ZBTB38: variants seen among roughly 807,000 people sequenced by gnomAD.
ZBTB38 encodes zinc finger and BTB domain-containing protein 38.
In ZBTB38, 20 loss-of-function variants were observed where a neutral mutation model predicts 76.8. The observed-to-expected ratio is 0.26, with a 90% CI of 0.18 to 0.38. ZBTB38 has a LOEUF of 0.38. ZBTB38 is among the 10% of genes least tolerant of loss of function. The pLI is 1.00. For synonymous variants in ZBTB38, 504 were observed against 544.2 expected, an observed-to-expected ratio of 0.93 and a Z score of 1.03; for missense variants, 1,082 against 1,482.3, an observed-to-expected ratio of 0.73 and a Z score of 4.43.
rs745595072 is a variant in ZBTB38 at position 141,443,665 on chromosome 3, A to G, written c.1277A>G (p.Glu426Gly). The G allele has an allele frequency of 1.2e-6, 2 of 1,614,084 alleles. No individual in the cohort carries two copies. The highest frequency in any genetic ancestry group is 2.7e-5 in the African/African-American group (2 of 74,916). The change falls in exon 6 of 6, where the codon GAA becomes GGA. Residue 426 changes from glutamate (E) to glycine (G), a missense_variant. Transcript: ENST00000321464. This position sits in a 1 kb window ranked among gnomAD's most constrained non-coding sequence, Gnocchi z 5.6. The stretch of plus-strand genomic sequence containing the variant: ...AATGGAGGTTCATTCACAGGTCCAG[A>G]ACCTTTATTATCTGAAAATAGGATT... Reference protein sequence around the residue: ...GQNGGSFTGPEPLLSENRIGE... With the variant: ...GQNGGSFTGPGPLLSENRIGE...
At chr3:141,333,128 T>A (rs1364286994) in intron 1 of ZBTB38, among the ~76,000 whole-genome samples, 3 of 152,220 alleles carry the variant, frequency 2.0e-5, no homozygotes, top group Non-Finnish European at 4.4e-5. Context: ...GTAAAATCCT[T>A]AGCAGGCCTT....
At chr3:141,399,127 CTT>C (rs34466132) in intron 4 of ZBTB38, among the ~76,000 whole-genome samples, 1 of 145,174 alleles carries the variant, frequency 6.9e-6, no homozygotes, top group Admixed American at 6.8e-5. Flanking sequence ...ATTTATATTC[CTT>C]TTTTTTTTTT....
intron 1 of ZBTB38, among the ~76,000 whole-genome samples, chr3:141,328,387 C>T (rs1942741026): frequency 2.0e-5 from 3 of 152,198 alleles, no homozygotes; most frequent in Non-Finnish European, 2.9e-5. Flanking sequence ...AGCACCTCCT[C>T]AAAACTTGTT....
Position 141,446,078 on chromosome 3 carries a change from G to T in ZBTB38, c.*102G>T. On this transcript the variant is annotated 3_prime_UTR_variant, in exon 6 of 6. Transcript: ENST00000321464. ...GTCCATGTGACAGTCATGAAGGAGTGAAATTAAAAAAAAAAAAAACTCATT... is the reference window on the plus strand; with the variant it reads ...GTCCATGTGACAGTCATGAAGGAGTTAAATTAAAAAAAAAAAAAACTCATT... The T allele has an allele frequency of 1.3e-5, 11 of 859,318 alleles. No homozygotes were observed. The highest frequency in any genetic ancestry group is 1.4e-5 in the Non-Finnish European group (9 of 635,100). 53.2% of individuals were successfully genotyped at this position (859,318 alleles called of 1,614,324 possible).
intron 1 of ZBTB38, among the ~76,000 whole-genome samples, chr3:141,362,903 A>G (rs919820735): frequency 1.3e-5 from 2 of 152,122 alleles, no homozygotes; most frequent in Non-Finnish European, 2.9e-5. Flanking sequence ...CCACCCCAAG[A>G]CTGCACCCTG....
At chr3:141,365,227 A>G (rs1307171953), upstream of ZBTB38, among the ~76,000 whole-genome samples, 2 of 152,256 alleles carry the variant, frequency 1.3e-5, no homozygotes, top group African/African-American at 4.8e-5. Context: ...AAGAAGTACT[A>G]AAGTATTCTA....
At chr3:141,419,987 C>CA (rs775844637) in intron 5 of ZBTB38, among the ~76,000 whole-genome samples, 2 of 151,840 alleles carry the variant, frequency 1.3e-5, no homozygotes, top group South Asian at 2.1e-4. Flanking sequence ...AACTCCGTCT[C>CA]AAAAAAAAGT....
At chr3:141,394,651 C>T (rs182363209) in intron 4 of ZBTB38, among the ~76,000 whole-genome samples, 8 of 152,250 alleles carry the variant, frequency 5.3e-5, no homozygotes, top group Non-Finnish European at 8.8e-5. Context: ...CCTTCACCAG[C>T]CTATCCAGCC....
At chr3:141,334,439 TCC>T in intron 1 of ZBTB38, among the ~76,000 whole-genome samples, 1 of 126,540 alleles carries the variant, frequency 7.9e-6, no homozygotes, top group Non-Finnish European at 1.7e-5. Context: ...CTTCCTTCCT[TCC>T]TTCTTTCCTT....
At chr3:141,436,612 C>T (rs954291852) in intron 5 of ZBTB38, among the ~76,000 whole-genome samples, 1 of 152,178 alleles carries the variant, frequency 6.6e-6, no homozygotes, top group Non-Finnish European at 1.5e-5. Context: ...ATTCTCCTTC[C>T]TCAGCCTCCC....
intron 5 of ZBTB38, chr3:141,431,983 G>A: frequency 1.7e-6 from 1 of 596,924 alleles, no homozygotes. Context: ...CTTCTGTTTT[G>A]TAATCTGTTT....
upstream of ZBTB38, among the ~76,000 whole-genome samples, chr3:141,365,183 C>T (rs1943929338): frequency 6.6e-6 from 1 of 152,168 alleles, no homozygotes; most frequent in Non-Finnish European, 1.5e-5. Context: ...GTTGTATACC[C>T]ACACAGTGGA....
chr3:141,346,782 T>TTGTGTGTGTGTGTGTG lies in ZBTB38; in HGVS notation c.-738-21820_-738-21805dup, dbSNP rs56345431. ...ACTCTCCGAGGTTTTTTGTTTTGTTTTGTGTGTGTGTGTGTGTGTGTGTGT... is the reference window on the plus strand; with the variant it reads ...ACTCTCCGAGGTTTTTTGTTTTGTTTTGTGTGTGTGTGTGTGTGTGTGTGTGTGTGTGTGTGTGTGT... On this transcript the variant is annotated intron_variant, in intron 1 of 7. Transcript: ENST00000509842. Among the ~76,000 whole-genome samples the TTGTGTGTGTGTGTGTG allele has an allele frequency of 4.7e-3, 681 of 144,662 alleles. 5 individuals are homozygous for TTGTGTGTGTGTGTGTG. Among genetic ancestry groups the TTGTGTGTGTGTGTGTG allele is most frequent in the African/African-American group, 0.015 (591 of 38,906 alleles). 94.9% of individuals were successfully genotyped at this position (144,662 alleles called of 152,430 possible).
At chr3:141,412,491 T>A (rs1007196709) in intron 5 of ZBTB38, among the ~76,000 whole-genome samples, 3 of 151,756 alleles carry the variant, frequency 2.0e-5, no homozygotes, top group Non-Finnish European at 4.4e-5. Context: ...TTTTTTTTTT[T>A]AGATCAGTAT....
chr3:141,385,613 C>T (rs1946865275), intron 3 of ZBTB38, among the ~76,000 whole-genome samples: 1 of 150,526 alleles, frequency 6.6e-6, no homozygotes, highest in Admixed American at 6.6e-5. Context: ...AGTTTTTGTT[C>T]CACATGTTAA....
intron 4 of ZBTB38, among the ~76,000 whole-genome samples, chr3:141,399,383 T>TG (rs1951176921): frequency 6.6e-6 from 1 of 152,200 alleles, no homozygotes; most frequent in Non-Finnish European, 1.5e-5. Context: ...CATGGGAAGT[T>TG]GACACCTCTA....
intron 1 of ZBTB38, among the ~76,000 whole-genome samples, chr3:141,328,347 C>G (rs1236248126): frequency 6.6e-6 from 1 of 152,190 alleles, no homozygotes; most frequent in Non-Finnish European, 1.5e-5. Flanking sequence ...TTGAATATCC[C>G]ACATGCACAG....
At position 141,413,621 on chromosome 3, in the gene ZBTB38, C is replaced by T. The variant is rs1224955399; in HGVS notation, c.-1+9590C>T. Among the ~76,000 whole-genome samples, 2 of 152,146 alleles carry T rather than the reference C, an allele frequency of 1.3e-5. No homozygotes were observed. Among genetic ancestry groups the T allele is most frequent in the Non-Finnish European group, 2.9e-5 (2 of 68,032 alleles). ...GGAGCATGATGTCAGCTCAGGATACCGGAACCGATAAAAACTCAGTGAGTG... is the reference window on the plus strand; with the variant it reads ...GGAGCATGATGTCAGCTCAGGATACTGGAACCGATAAAAACTCAGTGAGTG... On this transcript the variant is annotated intron_variant, in intron 5 of 5. Coordinates refer to ENST00000321464, the MANE Select transcript of ZBTB38 (RefSeq NM_001376113.1). The surrounding 1 kb of genome is among the most constrained non-coding windows in gnomAD (Gnocchi z 4.1).
chr3:141,330,226 A>G (rs1312798243), intron 1 of ZBTB38, among the ~76,000 whole-genome samples: 1 of 152,096 alleles, frequency 6.6e-6, no homozygotes, highest in East Asian at 1.9e-4. Context: ...TCCAGCTTTC[A>G]GCTGACAGCT....
Sources: gnomAD v4.1 joint callset for allele counts (sites outside exome capture counted in the v4.1 genomes callset) on GRCh38, gnomAD v4.1.1 for gene constraint, Gnocchi (gnomAD v3.1) non-coding constraint, MANE v1.5 for transcripts, NCBI Gene and HGNC (gene_info 2026-07-23, HGNC 2026-07-21) for gene names.